The following SNX13 variants were observed in gnomAD, a reference collection of about 807,000 sequenced individuals.
SNX13 encodes the protein sorting nexin-13.
A neutral mutation model predicts 133.6 loss-of-function variants in SNX13; 45 were observed. The observed-to-expected ratio is 0.34, with a 90% confidence interval of 0.27 to 0.43. The LOEUF (loss-of-function observed/expected upper bound fraction) is 0.43, where lower values mean the gene tolerates loss of function less well. Ranked by LOEUF, SNX13 falls within the 20% of genes least tolerant of loss-of-function variation. The probability of loss-of-function intolerance (pLI) is 1.00; values close to 1 mark genes in which losing one functional copy is unlikely to be tolerated. For synonymous variants in SNX13, 414 were observed against 373.9 expected, an observed-to-expected ratio of 1.11 and a Z score of -1.24; for missense variants, 1,032 against 1,145.1, an observed-to-expected ratio of 0.90 and a Z score of 1.43.
intron 9 of SNX13, among the ~76,000 whole-genome samples, chr7:17,856,354 A>G (rs1309515502): frequency 6.6e-6 from 1 of 152,258 alleles, no homozygotes; most frequent in Non-Finnish European, 1.5e-5. Flanking sequence ...AAAACATACT[A>G]CCAGAGAAAA....
At chr7:17,925,826 G>A (rs1342323161) in intron 1 of SNX13, among the ~76,000 whole-genome samples, 1 of 152,022 alleles carries the variant, frequency 6.6e-6, no homozygotes, top group Admixed American at 6.6e-5. Context: ...GAGAAAAAGA[G>A]GAGAAAGTGG....
chr7:17,838,597 A>G (rs1444033605), intron 13 of SNX13, among the ~76,000 whole-genome samples: 1 of 151,930 alleles, frequency 6.6e-6, no homozygotes, highest in East Asian at 1.9e-4. Context: ...ACATTTTTAA[A>G]GCTACAAATA....
chr7:17,822,493 T>A (rs1461198376), intron 17 of SNX13, among the ~76,000 whole-genome samples: 1 of 152,182 alleles, frequency 6.6e-6, no homozygotes, highest in Non-Finnish European at 1.5e-5. Flanking sequence ...TCTAGAGTTT[T>A]ATTTGGTTCT....
chr7:17,909,064 A>G (rs537941663), intron 1 of SNX13, among the ~76,000 whole-genome samples: 1 of 152,290 alleles, frequency 6.6e-6, no homozygotes, highest in East Asian at 1.9e-4. Flanking sequence ...AGACATGAAG[A>G]GACACTTTGC....
At chr7:17,816,075 T>C (rs901838895) in intron 19 of SNX13, 107 bp downstream of exon 19, 3 of 1,259,250 alleles carry the variant, frequency 2.4e-6, no homozygotes, top group African/African-American at 3.0e-5. Context: ...GTTGCTACCC[T>C]GTGATTACAG....
At chr7:17,909,926 T>C (rs561138438) in intron 1 of SNX13, among the ~76,000 whole-genome samples, 1 of 152,212 alleles carries the variant, frequency 6.6e-6, no homozygotes, top group African/African-American at 2.4e-5. Context: ...CCATTTACGT[T>C]TTCTACAAAT....
intron 9 of SNX13, among the ~76,000 whole-genome samples, chr7:17,859,962 T>A (rs909232000): frequency 1.6e-4 from 24 of 152,186 alleles, no homozygotes; most frequent in Admixed American, 1.6e-3. Flanking sequence ...CAATCATGAT[T>A]ACACAAATTT....
intron 9 of SNX13, among the ~76,000 whole-genome samples, chr7:17,863,817 C>A (rs1451609658): frequency 1.3e-5 from 2 of 152,212 alleles, no homozygotes; most frequent in African/African-American, 4.8e-5. Context: ...GGCAGCATTA[C>A]ACAGAAACAG....
chr7:17,856,317 A>T (rs546952908), intron 9 of SNX13, among the ~76,000 whole-genome samples: 1 of 152,248 alleles, frequency 6.6e-6, no homozygotes, highest in Admixed American at 6.5e-5. Context: ...AAAAACCTGT[A>T]ATAGTTAAAC....
At chr7:17,822,113 C>G (rs1039165107) in intron 17 of SNX13, among the ~76,000 whole-genome samples, 2 of 152,094 alleles carry the variant, frequency 1.3e-5, no homozygotes, top group Non-Finnish European at 1.5e-5. Flanking sequence ...AACTAAACAG[C>G]AACAGCCACG....
At chr7:17,845,557 C>T (rs1790417241) in intron 12 of SNX13, 38 bp downstream of exon 12, 1 of 1,318,212 alleles carries the variant, frequency 7.6e-7, no homozygotes, top group Non-Finnish European at 1.0e-6. Flanking sequence ...AAAAGAAATT[C>T]AATGGCTGTA....
chr7:17,798,844 A>C, intron 23 of SNX13, 86 bp from the exon 24 acceptor site: 1 of 1,226,268 alleles, frequency 8.2e-7, no homozygotes, highest in Non-Finnish European at 1.1e-6. Context: ...CAAGCAACTT[A>C]ATCTGGATGT....
At chr7:17,836,766 A>G (rs1377017765) in intron 13 of SNX13, among the ~76,000 whole-genome samples, 1 of 151,998 alleles carries the variant, frequency 6.6e-6, no homozygotes, top group East Asian at 1.9e-4. Context: ...TTAAAACTCT[A>G]TTGGATACTT....
chr7:17,922,487 T>C (rs1271566703), intron 1 of SNX13, among the ~76,000 whole-genome samples: 2 of 152,216 alleles, frequency 1.3e-5, no homozygotes, highest in African/African-American at 4.8e-5. Context: ...AGGCTCCCAG[T>C]AAGTATGTGT....
At chr7:17,858,988 A>C (rs766366781) in intron 9 of SNX13, among the ~76,000 whole-genome samples, 6 of 152,166 alleles carry the variant, frequency 3.9e-5, no homozygotes, top group Non-Finnish European at 8.8e-5. Context: ...TATAAAAGTA[A>C]AAATTATAAA....
intron 21 of SNX13, among the ~76,000 whole-genome samples, 189 bp downstream of exon 21, chr7:17,803,230 G>A (rs1244562219): frequency 1.3e-5 from 2 of 152,032 alleles, no homozygotes; most frequent in Non-Finnish European, 2.9e-5. Context: ...ACAAGCAAGT[G>A]GATTTTACTA....
intron 1 of SNX13, among the ~76,000 whole-genome samples, chr7:17,916,133 T>C (rs970338703): frequency 6.6e-6 from 1 of 152,078 alleles, no homozygotes; most frequent in African/African-American, 2.4e-5. Flanking sequence ...AACCTCTGGG[T>C]TGCGACAAAC....
At chr7:17,931,829 C>A (rs931186938) in intron 1 of SNX13, among the ~76,000 whole-genome samples, 7 of 152,308 alleles carry the variant, frequency 4.6e-5, no homozygotes, top group African/African-American at 1.7e-4. Context: ...TGGAACAGAG[C>A]AGAATCATCT....
intron 8 of SNX13, among the ~76,000 whole-genome samples, chr7:17,871,044 C>T (rs562995169): frequency 7.3e-5 from 11 of 150,474 alleles, no homozygotes; most frequent in South Asian, 4.2e-4. Context: ...CTGGCTCTGT[C>T]GCCCAGGCTG....
Sources: allele counts gnomAD v4.1 joint callset (sites outside exome capture counted in the v4.1 genomes callset), GRCh38; gene constraint gnomAD v4.1.1; transcripts MANE v1.5; gene names NCBI Gene and HGNC (gene_info 2026-07-23, HGNC 2026-07-21).